Variants in NLRP9 observed in about 807,000 individuals in gnomAD.
NLRP9 encodes NACHT, LRR and PYD domains-containing protein 9.
Under a neutral mutation model 83.1 loss-of-function variants are expected in NLRP9, and 88 were observed. That is an observed-to-expected ratio of 1.06 (90% CI 0.89 to 1.26). NLRP9 has a LOEUF of 1.26. Ranked by LOEUF, NLRP9 falls within the 50% of genes most tolerant of loss-of-function variation. The probability of loss-of-function intolerance (pLI) is 0.00; values close to 1 mark genes in which losing one functional copy is unlikely to be tolerated. For missense variants in NLRP9, 1,308 were observed against 1,179.3 expected (o/e 1.11, Z -1.60); for synonymous variants, 521 against 447.6 (o/e 1.16, Z -2.07).
intron 1 of NLRP9, chr19:55,737,716 A>G (rs1272117201): frequency 2.3e-5 from 4 of 175,126 alleles, no homozygotes; most frequent in African/African-American, 1.0e-4. Context: ...CCTGAGCAAC[A>G]TGGCAAGACC....
intron 2 of NLRP9, among the ~76,000 whole-genome samples, chr19:55,730,308 A>G (rs988152261): frequency 1.3e-5 from 2 of 152,196 alleles, no homozygotes; most frequent in Non-Finnish European, 2.9e-5. Flanking sequence ...TTAAAAAATT[A>G]GACAGATGTG....
intron 4 of NLRP9, among the ~76,000 whole-genome samples, chr19:55,722,040 C>A (rs1433406442): frequency 2.0e-5 from 3 of 152,172 alleles, no homozygotes; most frequent in Admixed American, 6.5e-5. Flanking sequence ...GCACCCTCCC[C>A]ACTCAACTGT....
chr19:55,729,832 T>C lies in NLRP9; in HGVS notation c.1993A>G (p.Ile665Val). ...AQPVCKLRKL[I>V]FTSVYFGHDS... ...AGGACAGGTTAACATAAAACTTACA[T>C]GAGTTTTCGGAGTTTACAAACAGGC... Residue 665 changes from isoleucine to valine, a missense_variant and splice_region_variant, in exon 3 of 9, where the codon ATA becomes GTA. Ile to Val is a conservative substitution (Grantham distance 29). Transcript: ENST00000332836. 1 of 1,610,070 alleles carries C rather than the reference T, an allele frequency of 6.2e-7. No individual in the cohort carries two copies. The highest frequency in any genetic ancestry group is 2.2e-5 in the East Asian group (1 of 44,864).
At chr19:55,727,637 T>G (rs565042892) in intron 3 of NLRP9, among the ~76,000 whole-genome samples, 23 of 152,302 alleles carry the variant, frequency 1.5e-4, no homozygotes, top group African/African-American at 5.5e-4. Context: ...TGAGGTCCAC[T>G]TTTTACTCTC....
At chr19:55,721,908 G>T (rs1286048416) in intron 4 of NLRP9, among the ~76,000 whole-genome samples, 2 of 150,344 alleles carry the variant, frequency 1.3e-5, no homozygotes, top group Non-Finnish European at 3.0e-5. Flanking sequence ...GGCCTCCCAA[G>T]CCACATCGAA....
At position 55,732,775 on chromosome 19, in the gene NLRP9, C is replaced by G. The variant is rs199475848; in HGVS notation, c.1056G>C (p.Glu352Asp). The G allele has an allele frequency of 8.1e-6, 13 of 1,614,188 alleles. No individual in the cohort carries two copies. Among genetic ancestry groups the G allele is most frequent in the African/African-American group, 5.3e-5 (4 of 75,032 alleles). The change falls in exon 2 of 9, where the codon GAG becomes GAC. Residue 352 changes from glutamate to aspartate, a missense_variant. Glu to Asp is a conservative substitution (Grantham distance 45). Transcript: ENST00000332836. ...LVCTCVKQRLERGEDLEINSQ... is the reference protein window; with the variant it reads ...LVCTCVKQRLDRGEDLEINSQ... ...AGTTTATTTCAAGGTCTTCTCCCCT[C>G]TCTAGCCTCTGTTTCACACAAGTAC...
At chr19:55,733,571 T>C (rs755223849) in intron 1 of NLRP9, 21 bp from the exon 2 acceptor site, 1 of 1,335,994 alleles carries the variant, frequency 7.5e-7, no homozygotes, top group Non-Finnish European at 1.0e-6. Context: ...GAGAACAGGA[T>C]ATAAGATAGG....
At chr19:55,728,779 C>A (rs115065746) in intron 3 of NLRP9, among the ~76,000 whole-genome samples, 2 of 152,074 alleles carry the variant, frequency 1.3e-5, no homozygotes, top group Admixed American at 1.3e-4. Context: ...GCAAGTCTTC[C>A]GTGATGACAT....
intron 4 of NLRP9, 45 bp from the exon 5 acceptor site, chr19:55,716,943 C>A (rs118067722): frequency 2.6e-6 from 4 of 1,544,138 alleles, no homozygotes; most frequent in Admixed American, 1.7e-5. Flanking sequence ...AGCTTTCAAT[C>A]GCTCATGAAA....
chr19:55,721,586 G>T (rs1019078635), intron 4 of NLRP9, among the ~76,000 whole-genome samples: 1 of 152,162 alleles, frequency 6.6e-6, no homozygotes, highest in African/African-American at 2.4e-5. Context: ...TCCAGTACTA[G>T]ATAATCCTTT....
At chr19:55,719,827 C>A (rs1402300387) in intron 4 of NLRP9, among the ~76,000 whole-genome samples, 4 of 152,126 alleles carry the variant, frequency 2.6e-5, no homozygotes, top group African/African-American at 4.8e-5. Context: ...GCAGGATAAA[C>A]ACAAAGAAAT....
At chr19:55,721,574 A>C (rs1365892699) in intron 4 of NLRP9, among the ~76,000 whole-genome samples, 1 of 152,126 alleles carries the variant, frequency 6.6e-6, no homozygotes, top group Non-Finnish European at 1.5e-5. Context: ...AGCACTCAGT[A>C]GTCCAGTACT....
chr19:55,734,894 C>T (rs1988745170), intron 1 of NLRP9, among the ~76,000 whole-genome samples: 1 of 152,150 alleles, frequency 6.6e-6, no homozygotes. Context: ...CTCGGCCTCC[C>T]AAAGTGCTGG....
rs765779528 is a variant in NLRP9, at chr19:55,733,919, A to ATTTTTTTTTTTTTTTTTTTTTTTT, written c.281-370_281-369insAAAAAAAAAAAAAAAAAAAAAAAA. 1.4e-4 allele frequency among the ~76,000 whole-genome samples: 17 copies of ATTTTTTTTTTTTTTTTTTTTTTTT among 117,862 alleles called. 2 individuals are homozygous for ATTTTTTTTTTTTTTTTTTTTTTTT. The highest frequency in any genetic ancestry group is 5.7e-4 in the African/African-American group (16 of 27,906). 77.3% of individuals were successfully genotyped at this position (117,862 alleles called of 152,430 possible). On this transcript the variant is annotated intron_variant, in intron 1 of 8. Coordinates refer to ENST00000332836, the MANE Select transcript of NLRP9 (RefSeq NM_176820.4). ...ATAAACTCAACCAGTTGTCAACCAA[A>ATTTTTTTTTTTTTTTTTTTTTTTT]TTTTTTTTTTTTTTTTTTTTTGAGA...
intron 1 of NLRP9, 115 bp downstream of exon 1, chr19:55,737,980 A>AC: frequency 9.9e-7 from 1 of 1,006,502 alleles, no homozygotes; most frequent in Non-Finnish European, 1.5e-6. Flanking sequence ...TTCAACTCTC[A>AC]CCTTGACCCA....
rs750695294 is a variant in NLRP9, at chr19:55,733,257, C to T, written c.574G>A (p.Gly192Ser). 82 of 1,613,734 alleles carry T rather than the reference C, an allele frequency of 5.1e-5. No homozygotes were observed. The highest frequency in any genetic ancestry group is 8.9e-5 in the East Asian group (4 of 44,882). The change falls in exon 2 of 9, where the codon GGT becomes AGT. Residue 192 changes from glycine to serine, a missense_variant. Transcript: ENST00000332836. The stretch of plus-strand genomic sequence containing the variant: ...TCCAGTAAGCTGGTCTCTGCGATAC[C>T]GTTCATTTCACAGACATTGAGGAAA... ...VFFLNVCEMN[G>S]IAETSLLELL...
At chr19:55,709,784 AC>A (rs1386487569) in intron 8 of NLRP9, 1 of 152,180 alleles carries the variant, frequency 6.6e-6, no homozygotes, top group Admixed American at 6.6e-5. Context: ...CTTGCTTTAT[AC>A]GTTGAATCTC....
chr19:55,726,538 T>A, intron 3 of NLRP9, among the ~76,000 whole-genome samples: 1 of 152,334 alleles, frequency 6.6e-6, no homozygotes, highest in South Asian at 2.1e-4. Context: ...CATCTGTTAT[T>A]AGTCTGCCCT....
rs781342120 is a variant in NLRP9 at position 55,732,471 on chromosome 19, C to A, written c.1360G>T (p.Ala454Ser). 1 of 1,614,020 alleles carries A rather than the reference C, an allele frequency of 6.2e-7. No individual in the cohort carries two copies. The highest frequency in any genetic ancestry group is 1.3e-5 in the African/African-American group (1 of 74,908). The change falls in exon 2 of 9, where the codon GCC (alanine) becomes TCC (serine). Residue 454 changes from alanine (A) to serine (S), a missense_variant. By Grantham distance (99) the Ala-to-Ser change is moderately conservative. Transcript: ENST00000332836. ...GGTCGTTTGAGCAAATAAAACATGG[C>A]GGCACAAAACTCTTGGATACACAGA... ...MHLCIQEFCA[A>S]MFYLLKRPKD...
Sources: gnomAD v4.1 joint callset for allele counts (sites outside exome capture counted in the v4.1 genomes callset) on GRCh38, gnomAD v4.1.1 for gene constraint, MANE v1.5 for transcripts, NCBI Gene and HGNC (gene_info 2026-07-23, HGNC 2026-07-21) for gene names.